PBRM1: variants seen among roughly 807,000 people sequenced by gnomAD.
PBRM1 encodes the protein protein polybromo-1.
PBRM1 carries 27 observed loss-of-function variants against 194.5 expected under a neutral mutation model. The ratio of observed to expected loss-of-function variants is 0.14; its 90% CI spans 0.10 to 0.19. The LOEUF (loss-of-function observed/expected upper bound fraction) is 0.19. Ranked by LOEUF, PBRM1 falls within the 10% of genes least tolerant of loss-of-function variation. The pLI is 1.00. For synonymous variants in PBRM1, 655 were observed against 693.2 expected, an observed-to-expected ratio of 0.94 and a Z score of 0.87; for missense variants, 1,466 against 2,077.2, an observed-to-expected ratio of 0.71 and a Z score of 5.72.
chr3:52,644,810 G>T, intron 7 of PBRM1, 21 bp from the exon 9 acceptor site: 3 of 1,238,358 alleles, frequency 2.4e-6, no homozygotes, highest in Non-Finnish European at 3.5e-6. Context: ...AAAATTACTT[G>T]GTTTAAAAAA....
chr3:52,677,730 T>C (rs763639355), intron 2 of PBRM1, among the ~76,000 whole-genome samples: 3 of 152,106 alleles, frequency 2.0e-5, no homozygotes, highest in Non-Finnish European at 2.9e-5. Flanking sequence ...TGGCTAATTT[T>C]TGTATTTTTT....
In PBRM1 at chr3:52,634,826, A is replaced by G. The variant is rs1401711889; in HGVS notation, c.1088-11T>C. The G allele has an allele frequency of 3.1e-6, 5 of 1,587,712 alleles. No homozygotes were observed. In the African/African-American group the frequency reaches 6.8e-5, roughly 21 times the overall value. ...CTTCATAGCGTGCAGCTGGAAAGAC[A>G]AAAAAAGTATTTATAAAGGGACGAA... On this transcript the variant is annotated splice_polypyrimidine_tract_variant and intron_variant, in intron 10 of 29. Transcript: ENST00000296302.
chr3:52,681,473 G>A (rs2097204397), upstream of PBRM1, among the ~76,000 whole-genome samples: 1 of 152,104 alleles, frequency 6.6e-6, no homozygotes, highest in Non-Finnish European at 1.5e-5. Flanking sequence ...AAGTTTTGCT[G>A]ATTTTTGTTC....
intron 4 of PBRM1, among the ~76,000 whole-genome samples, chr3:52,659,533 C>T (rs780784933): frequency 3.2e-4 from 49 of 152,164 alleles, no homozygotes; most frequent in Non-Finnish European, 4.9e-4. Flanking sequence ...GCAATCCTCC[C>T]ACATCAGTTT....
intron 16 of PBRM1, among the ~76,000 whole-genome samples, chr3:52,605,209 G>A (rs1281420065): frequency 6.6e-6 from 1 of 152,068 alleles, no homozygotes; most frequent in African/African-American, 2.4e-5. Flanking sequence ...GCTCAGGCTG[G>A]CTAATTTTAA....
chr3:52,665,401 C>G (rs2096812448), intron 3 of PBRM1, among the ~76,000 whole-genome samples: 1 of 151,770 alleles, frequency 6.6e-6, no homozygotes, highest in Admixed American at 6.6e-5. Context: ...TGGCTTCAAG[C>G]AATCCTCCTG....
intron 12 of PBRM1, among the ~76,000 whole-genome samples, chr3:52,628,094 C>T (rs545352747): frequency 1.3e-5 from 2 of 152,220 alleles, no homozygotes; most frequent in African/African-American, 4.8e-5. Flanking sequence ...GACATCCTTC[C>T]AAGGGTTCTC....
At chr3:52,556,777 A>T (rs1280775794) in intron 26 of PBRM1, among the ~76,000 whole-genome samples, 2 of 152,170 alleles carry the variant, frequency 1.3e-5, no homozygotes, top group Non-Finnish European at 2.9e-5. Context: ...TGGTTACTGC[A>T]GAGAATGCTT....
At chr3:52,643,312 T>C (rs1560695240) in exon 9 of PBRM1, 1 of 1,613,924 alleles carries the variant, frequency 6.2e-7, no homozygotes. Flanking sequence ...GAAGGACCTG[T>C]CAGTCTGGCT....
At chr3:52,619,870 T>A (rs576228181) in intron 13 of PBRM1, among the ~76,000 whole-genome samples, 4 of 152,150 alleles carry the variant, frequency 2.6e-5, no homozygotes, top group African/African-American at 9.7e-5. Flanking sequence ...GTGATTTAAT[T>A]AGGAAAAAAA....
At chr3:52,578,243 G>A (rs1392687268) in intron 21 of PBRM1, among the ~76,000 whole-genome samples, 1 of 152,122 alleles carries the variant, frequency 6.6e-6, no homozygotes, top group African/African-American at 2.4e-5. Flanking sequence ...CACGTATCAT[G>A]ACCTAACATA....
At chr3:52,557,787 G>A (rs1275651490) in intron 26 of PBRM1, among the ~76,000 whole-genome samples, 1 of 152,178 alleles carries the variant, frequency 6.6e-6, no homozygotes, top group Non-Finnish European at 1.5e-5. Flanking sequence ...ACAATTCATT[G>A]TCAAAAAATC....
chr3:52,627,170 A>T, intron 13 of PBRM1, 103 bp downstream of exon 14: 1 of 617,394 alleles, frequency 1.6e-6, no homozygotes, highest in Non-Finnish European at 2.8e-6. Context: ...CCATTTATTT[A>T]AAGCTTACAA....
intron 11 of PBRM1, among the ~76,000 whole-genome samples, chr3:52,632,354 T>A (rs1400364002): frequency 1.3e-5 from 2 of 151,738 alleles, no homozygotes; most frequent in Non-Finnish European, 2.9e-5. Flanking sequence ...GAGGCTGAGG[T>A]GAGAGGATTA....
intron 14 of PBRM1, among the ~76,000 whole-genome samples, chr3:52,616,284 G>C (rs945574130): frequency 6.6e-6 from 1 of 152,104 alleles, no homozygotes; most frequent in African/African-American, 2.4e-5. Flanking sequence ...GGAAACAAAT[G>C]ACTTAAAAAT....
intron 20 of PBRM1, among the ~76,000 whole-genome samples, chr3:52,582,063 T>C (rs893529506): frequency 5.3e-5 from 8 of 151,452 alleles, no homozygotes; most frequent in African/African-American, 1.2e-4. Flanking sequence ...ACCAATATGG[T>C]AGAAATCCGT....
chr3:52,636,485 C>A (rs761464891), intron 10 of PBRM1, among the ~76,000 whole-genome samples: 1 of 151,304 alleles, frequency 6.6e-6, no homozygotes, highest in Non-Finnish European at 1.5e-5. Context: ...AGGCTGGGCA[C>A]GGTGGCTCAT....
At position 52,580,525 on chromosome 3, in the gene PBRM1, AT is replaced by A. The variant is rs376107891; in HGVS notation, c.3388-1327del. Among the ~76,000 whole-genome samples the A allele has an allele frequency of 3.4e-3, 503 of 149,270 alleles. 1 individual carries two copies. The highest frequency in any genetic ancestry group is 0.018 in the South Asian group (83 of 4,684). On this transcript the variant is annotated intron_variant, in intron 20 of 29. Coordinates refer to ENST00000296302, the Ensembl canonical transcript of PBRM1. ...AGGCACCCGCTACCATGCCCAGCTA[AT>A]TTTTTTTTTGTATTTTTAGTAGAGA...
chr3:52,621,735 C>T (rs899346464), intron 13 of PBRM1, among the ~76,000 whole-genome samples: 1 of 152,158 alleles, frequency 6.6e-6, no homozygotes, highest in African/African-American at 2.4e-5. Flanking sequence ...GACTGTTCAT[C>T]ATTGTGCATT....
Sources: gnomAD v4.1 joint callset for allele counts (sites outside exome capture counted in the v4.1 genomes callset) on GRCh38, gnomAD v4.1.1 for gene constraint, MANE v1.5 for transcripts, NCBI Gene and HGNC (gene_info 2026-07-23, HGNC 2026-07-21) for gene names.